Variants in RPN2 observed in about 807,000 individuals in gnomAD.
The protein encoded by RPN2 is dolichyl-diphosphooligosaccharide--protein glycosyltransferase subunit 2.
A neutral mutation model predicts 71.4 loss-of-function variants in RPN2; 29 were observed. That is an observed-to-expected ratio of 0.41 (90% confidence interval 0.30 to 0.55). The LOEUF is 0.55. Among genes scored for constraint, RPN2 ranks in the 20% least tolerant of loss-of-function variants. The pLI, the probability that RPN2 is intolerant of heterozygous loss-of-function variation, is 0.35. For synonymous variants in RPN2, 308 were observed against 305.0 expected, an observed-to-expected ratio of 1.01 and a Z score of -0.10; for missense variants, 726 against 774.1, an observed-to-expected ratio of 0.94 and a Z score of 0.74.
rs1437101674 is a variant in RPN2, at chr20:37,198,407, C to T, written c.218C>T (p.Thr73Ile). The change falls in exon 3 of 17, where the codon ACC (threonine) becomes ATC (isoleucine). Residue 73 changes from threonine to isoleucine, a missense_variant. By Grantham distance (89) the Thr-to-Ile change is moderately conservative. Coordinates refer to ENST00000237530, the MANE Select transcript of RPN2 (RefSeq NM_002951.5). ...TTCCCCACTGTGTAGAAAGCATGTA[C>T]CTACATCAGATCTAACCTTGATCCC... ...AQVPDAKKAC[T>I]YIRSNLDPSN... 2 of 1,614,088 alleles carry T rather than the reference C, an allele frequency of 1.2e-6. No homozygotes were observed. The highest frequency in any genetic ancestry group is 1.7e-6 in the Non-Finnish European group (2 of 1,180,040).
chr20:37,185,063 C>A (rs956811170), intron 2 of RPN2, among the ~76,000 whole-genome samples: 4 of 151,806 alleles, frequency 2.6e-5, no homozygotes, highest in Admixed American at 2.6e-4. Context: ...GTCACTACAT[C>A]AGGCAATTTT....
chr20:37,241,206 G>A (rs994687910), intron 16 of RPN2, 97 bp from the exon 17 acceptor site: 23 of 1,349,020 alleles, frequency 1.7e-5, no homozygotes, highest in East Asian at 4.7e-5. Flanking sequence ...ATCTTAGAGC[G>A]GGAGAGTACC....
rs1393087779 is a variant in RPN2, at chr20:37,204,044, T to C, written c.555+84T>C. The stretch of plus-strand genomic sequence containing the variant: ...ATCTTGCAGATAGCCATGCATGATC[T>C]GTTACTACAGGTTACATTGCTTCTT... On this transcript the variant is annotated intron_variant, in intron 5 of 16. Coordinates refer to ENST00000237530, the MANE Select transcript of RPN2 (RefSeq NM_002951.5). 4.3e-6 allele frequency: 4 copies of C among 938,320 alleles called. No individual in the cohort carries two copies. In the East Asian group the frequency reaches 9.9e-5, roughly 23 times the overall value. 58.1% of individuals were successfully genotyped at this position (938,320 alleles called of 1,614,324 possible).
In RPN2 at chr20:37,221,035, T is replaced by C. The variant is rs73293722; in HGVS notation, c.1093-2843T>C. Among the ~76,000 whole-genome samples the C allele has an allele frequency of 5.2e-3, 790 of 152,278 alleles. 5 individuals carry two copies. Among genetic ancestry groups the C allele is most frequent in the African/African-American group, 0.018 (753 of 41,548 alleles). ...ATGTATCTGCATTGTCTGGGGATGC[T>C]CAGGATGTCTTTAGAACACACACGA... On this transcript the variant is annotated intron_variant, in intron 9 of 16. Transcript: ENST00000237530.
chr20:37,200,325 G>C (rs954401879), intron 4 of RPN2: 1 of 352,796 alleles, frequency 2.8e-6, no homozygotes, highest in South Asian at 2.3e-5. Context: ...TGGAGATGGG[G>C]CCTGTCTGTG....
chr20:37,225,387 G>A (rs930290875), intron 10 of RPN2, among the ~76,000 whole-genome samples: 3 of 152,198 alleles, frequency 2.0e-5, no homozygotes, highest in Admixed American at 6.5e-5. Flanking sequence ...CTCCTCTGGT[G>A]CCTGACTTTG....
chr20:37,227,589 T>C (rs912673331), intron 11 of RPN2, among the ~76,000 whole-genome samples: 1 of 152,094 alleles, frequency 6.6e-6, no homozygotes, highest in East Asian at 1.9e-4. Context: ...GATTAACACA[T>C]GAGATGTAGA....
chr20:37,184,669 G>A (rs1256979491), intron 2 of RPN2, among the ~76,000 whole-genome samples: 1 of 152,144 alleles, frequency 6.6e-6, no homozygotes, highest in Non-Finnish European at 1.5e-5. Context: ...GTGCATGCCT[G>A]TAATCCCAGC....
chr20:37,232,659 C>T (rs905270822), intron 14 of RPN2, among the ~76,000 whole-genome samples: 7 of 151,682 alleles, frequency 4.6e-5, no homozygotes, highest in South Asian at 2.1e-4. Context: ...ACTGTGATGC[C>T]GTAGGAGGGT....
intron 4 of RPN2, among the ~76,000 whole-genome samples, chr20:37,202,510 A>G (rs1396494741): frequency 6.6e-6 from 1 of 152,088 alleles, no homozygotes; most frequent in Non-Finnish European, 1.5e-5. Context: ...GAATTAGGAA[A>G]CCATTCGGGG....
intron 15 of RPN2, among the ~76,000 whole-genome samples, chr20:37,235,646 A>G (rs1418009277): frequency 6.6e-6 from 1 of 151,964 alleles, no homozygotes; most frequent in Non-Finnish European, 1.5e-5. Flanking sequence ...TTTATTTTTT[A>G]TTTTTATTTT....
chr20:37,210,592 G>A (rs1326327453), intron 8 of RPN2, among the ~76,000 whole-genome samples: 1 of 147,082 alleles, frequency 6.8e-6, no homozygotes, highest in Non-Finnish European at 1.5e-5. Context: ...GTGCAATGGT[G>A]CAATCTCAGC....
Position 37,184,318 on chromosome 20 carries a change from C to T in RPN2, c.152C>T (p.Ala51Val), listed in dbSNP as rs1434608491. ...LDRPFTNLES[A>V]FYSIVGLSSL... is the part of the protein sequence containing the mutation. ...CGCCCTTTCACAAATTTGGAATCTG[C>T]CTTCTACTCCATCGTGGGACTCAGC... Residue 51 changes from alanine to valine, a missense_variant, in exon 2 of 17, where the codon GCC becomes GTC. Ala to Val is a moderately conservative substitution (Grantham distance 64). Transcript: ENST00000237530. 1 of 1,614,184 alleles carries T rather than the reference C, an allele frequency of 6.2e-7. No homozygotes were observed. Among genetic ancestry groups the T allele is most frequent in the East Asian group, 2.2e-5 (1 of 44,876 alleles).
Position 37,212,320 on chromosome 20 carries a change from A to G in RPN2, c.987-1440A>G, listed in dbSNP as rs6032074. 4.9e-3 allele frequency among the ~76,000 whole-genome samples: 743 copies of G among 152,156 alleles called. 8 individuals are homozygous for G. Among genetic ancestry groups the G allele is most frequent in the African/African-American group, 0.017 (705 of 41,492 alleles). On this transcript the variant is annotated intron_variant, in intron 8 of 16. Transcript: ENST00000237530. Reference sequence around the variant, plus strand: ...AACTAAGGGTCAAGCTGGGCACAGTAGCAGGTACCTGTAGTCCAGCTACTT... The same window carrying G: ...AACTAAGGGTCAAGCTGGGCACAGTGGCAGGTACCTGTAGTCCAGCTACTT...
chr20:37,185,293 G>C (rs2066982958), intron 2 of RPN2, among the ~76,000 whole-genome samples: 1 of 151,668 alleles, frequency 6.6e-6, no homozygotes, highest in South Asian at 2.1e-4. Context: ...GCACCACCAT[G>C]CCTGGCAATT....
intron 2 of RPN2, among the ~76,000 whole-genome samples, chr20:37,192,973 A>C (rs2067177586): frequency 6.6e-6 from 1 of 152,116 alleles, no homozygotes; most frequent in South Asian, 2.1e-4. Context: ...CAAAAAGTAA[A>C]AAAAAATTAT....
At chr20:37,224,536 G>A (rs2068033433) in intron 10 of RPN2, among the ~76,000 whole-genome samples, 6 of 152,154 alleles carry the variant, frequency 3.9e-5, no homozygotes, top group Admixed American at 3.9e-4. Context: ...GTACTAAGAA[G>A]TCATAGAACA....
At chr20:37,219,095 A>G (rs1306757485) in intron 9 of RPN2, among the ~76,000 whole-genome samples, 2 of 152,228 alleles carry the variant, frequency 1.3e-5, no homozygotes, top group African/African-American at 4.8e-5. Context: ...TCAAGAAACT[A>G]ACAAGTTTTC....
At chr20:37,230,616 G>C (rs2068214837) in intron 13 of RPN2, among the ~76,000 whole-genome samples, 1 of 152,164 alleles carries the variant, frequency 6.6e-6, no homozygotes, top group Non-Finnish European at 1.5e-5. Context: ...TACTGGTTAA[G>C]GAAACTGAGG....
Sources: allele counts gnomAD v4.1 joint callset (sites outside exome capture counted in the v4.1 genomes callset), GRCh38; gene constraint gnomAD v4.1.1; transcripts MANE v1.5; gene names NCBI Gene and HGNC (gene_info 2026-07-23, HGNC 2026-07-21).